The following ASH1L variants were observed in gnomAD, a reference collection of about 807,000 sequenced individuals.
ASH1L encodes the protein histone-lysine N-methyltransferase ASH1L.
A neutral mutation model predicts 269.0 loss-of-function variants in ASH1L; 23 were observed. That is an observed-to-expected ratio of 0.09 (90% CI 0.06 to 0.12). ASH1L has a LOEUF of 0.12. Among genes scored for constraint, ASH1L ranks in the 10% least tolerant of loss-of-function variants. The pLI is 1.00. For missense variants in ASH1L, 2,912 were observed against 3,567.8 expected (o/e 0.82, Z 4.68); for synonymous variants, 1,187 against 1,253.5 (o/e 0.95, Z 1.12).
In ASH1L at chr1:155,352,701, G is replaced by C; in HGVS notation, c.7366+5C>G. ...AAGAACGAATTTGAAGGTGGTTATA[G>C]TCACCTTTATAAGAGATGATACCAT... On this transcript the variant is annotated splice_donor_5th_base_variant and intron_variant, in intron 17 of 27. Coordinates refer to ENST00000392403, the MANE Select transcript of ASH1L (RefSeq NM_018489.3). 6.3e-7 allele frequency: 1 copy of C among 1,576,726 alleles called. No homozygotes were observed. The highest frequency in any genetic ancestry group is 1.2e-5 in the South Asian group (1 of 84,292).
rs142602825 is a variant in ASH1L, at chr1:155,534,812, A to G, written c.-99-13194T>C. Among the ~76,000 whole-genome samples, 200 of 152,340 alleles carry G rather than the reference A, an allele frequency of 1.3e-3. 2 individuals carry two copies. The highest frequency in any genetic ancestry group is 3.9e-3 in the African/African-American group (164 of 41,584). On this transcript the variant is annotated intron_variant, in intron 1 of 27. Transcript: ENST00000392403. ...TAGCCTGGAAGAACAATGAAGAACA[A>G]TTCTTTTTCTTTTTAGATAAGTAAA...
At chr1:155,507,482 T>C (rs1321053997) in intron 2 of ASH1L, among the ~76,000 whole-genome samples, 2 of 152,178 alleles carry the variant, frequency 1.3e-5, no homozygotes, top group Non-Finnish European at 2.9e-5. Flanking sequence ...TAACATCAAA[T>C]AAACTATCCA....
At chr1:155,554,251 A>T (rs1015465777) in intron 1 of ASH1L, among the ~76,000 whole-genome samples, 4 of 146,490 alleles carry the variant, frequency 2.7e-5, no homozygotes, top group Admixed American at 1.4e-4. Context: ...CACTTGGCGA[A>T]TTTTTTTTTT....
intron 7 of ASH1L, among the ~76,000 whole-genome samples, chr1:155,381,221 T>C (rs904332409): frequency 2.0e-5 from 3 of 152,232 alleles, no homozygotes; most frequent in African/African-American, 7.2e-5. Context: ...TAATATACTA[T>C]ACTTTTCATC....
intron 2 of ASH1L, among the ~76,000 whole-genome samples, chr1:155,501,038 TA>T (rs1033551001): frequency 3.3e-5 from 5 of 151,770 alleles, no homozygotes; most frequent in African/African-American, 1.2e-4. Context: ...GTTTAAAAAA[TA>T]AAAACAAAAC....
At chr1:155,396,622 T>C (rs762442445) in intron 6 of ASH1L, among the ~76,000 whole-genome samples, 1 of 151,872 alleles carries the variant, frequency 6.6e-6, no homozygotes, top group Non-Finnish European at 1.5e-5. Context: ...AAAGTTCCAG[T>C]GAATAAGACA....
At chr1:155,409,675 A>C (rs1205924868) in intron 6 of ASH1L, among the ~76,000 whole-genome samples, 4 of 152,202 alleles carry the variant, frequency 2.6e-5, no homozygotes, top group African/African-American at 9.7e-5. Flanking sequence ...TATGTTGCCC[A>C]GGCTGGTCTT....
chr1:155,404,056 CAAA>C (rs1265354613), intron 6 of ASH1L, among the ~76,000 whole-genome samples: 11 of 69,650 alleles, frequency 1.6e-4, no homozygotes, highest in Admixed American at 1.7e-4. Context: ...AACTCCGTCT[CAAA>C]AAAAAAAAAA....
Position 155,406,762 on chromosome 1 carries a change from A to G in ASH1L, c.6008+8982T>C, listed in dbSNP as rs557379346. The stretch of plus-strand genomic sequence containing the variant: ...CACAGTGTTTGAACAGTAACAATAT[A>G]TTATTACTGGCATAACAATAGTCAC... On this transcript the variant is annotated intron_variant, in intron 6 of 27. Coordinates refer to ENST00000392403, the MANE Select transcript of ASH1L (RefSeq NM_018489.3). Among the ~76,000 whole-genome samples the G allele has an allele frequency of 1.5e-3, 223 of 152,304 alleles. 3 individuals carry two copies. The highest frequency in any genetic ancestry group is 2.7e-3 in the Non-Finnish European group (182 of 68,030).
chr1:155,541,331 AAAT>A lies in ASH1L; in HGVS notation c.-99-19716_-99-19714del, dbSNP rs145775750. On this transcript the variant is annotated intron_variant, in intron 1 of 27. Transcript: ENST00000392403. ...ATATTAAAAATTGATATTTTTCTTT[AAAT>A]ATTATATAAATTTTTCAGTTTCTAT... is the stretch of plus-strand genomic sequence containing the variant. Among the ~76,000 whole-genome samples the A allele has an allele frequency of 5.7e-3, 865 of 152,132 alleles. 9 individuals carry two copies. The highest frequency in any genetic ancestry group is 0.02 in the African/African-American group (844 of 41,542).
At chr1:155,363,514 G>A (rs756008806) in intron 12 of ASH1L, among the ~76,000 whole-genome samples, 20 of 151,988 alleles carry the variant, frequency 1.3e-4, no homozygotes, top group Non-Finnish European at 2.6e-4. Flanking sequence ...AAAGTGCTGC[G>A]ATTACAGGCA....
chr1:155,353,826 C>T (rs755353914), intron 16 of ASH1L, among the ~76,000 whole-genome samples: 26 of 152,292 alleles, frequency 1.7e-4, no homozygotes, highest in African/African-American at 2.2e-4. Flanking sequence ...GATAATTACC[C>T]GTCCCCCACC....
rs1041102702 is a variant in ASH1L, at chr1:155,338,195, A to T, written c.8697T>A (p.Ser2899Arg). 2 of 1,613,394 alleles carry T rather than the reference A, an allele frequency of 1.2e-6. No individual in the cohort carries two copies. Among genetic ancestry groups the T allele is most frequent in the African/African-American group, 1.3e-5 (1 of 74,794 alleles). ...GGGTACAGGTTGACTGGGGTTCTTG[A>T]CTACTTTCCTCTGTTTTTTTTTCAC... ...SEGEKKTEES[S>R]QEPQSTCTPE... Residue 2899 changes from serine to arginine, a missense_variant, in exon 27 of 28, where the codon AGT becomes AGA. Ser to Arg is a moderately radical substitution (Grantham distance 110). Coordinates refer to ENST00000392403, the MANE Select transcript of ASH1L (RefSeq NM_018489.3).
At chr1:155,559,352 A>T (rs2148929624) in intron 1 of ASH1L, among the ~76,000 whole-genome samples, 1 of 152,172 alleles carries the variant, frequency 6.6e-6, no homozygotes, top group South Asian at 2.1e-4. Context: ...CCTGACCAAC[A>T]TGGAGAAACG....
chr1:155,550,102 T>C (rs1671097020), intron 1 of ASH1L, among the ~76,000 whole-genome samples: 1 of 151,182 alleles, frequency 6.6e-6, no homozygotes. Flanking sequence ...TTCACTGCAA[T>C]CTCCACCTCC....
intron 1 of ASH1L, among the ~76,000 whole-genome samples, chr1:155,530,718 A>G (rs1669616597): frequency 6.6e-6 from 1 of 151,344 alleles, no homozygotes; most frequent in African/African-American, 2.4e-5. Flanking sequence ...CCTGGGTGAC[A>G]GACCAAGACT....
chr1:155,387,092 G>A (rs926809213), intron 7 of ASH1L, among the ~76,000 whole-genome samples: 4 of 151,846 alleles, frequency 2.6e-5, no homozygotes, highest in African/African-American at 9.7e-5. Context: ...TCATGCCTCA[G>A]CCTCTCAAGT....
In ASH1L at chr1:155,343,785, G is replaced by T. The variant is rs1653004636; in HGVS notation, c.7982-43C>A. 1 of 1,604,762 alleles carries T rather than the reference G, an allele frequency of 6.2e-7. No homozygotes were observed. Among genetic ancestry groups the T allele is most frequent in the South Asian group, 1.1e-5 (1 of 90,056 alleles). On this transcript the variant is annotated intron_variant, in intron 22 of 27. Coordinates refer to ENST00000392403, the MANE Select transcript of ASH1L (RefSeq NM_018489.3). This position sits in a 1 kb window ranked among gnomAD's most constrained non-coding sequence, Gnocchi z 6.1. ...ACAGAAGAAACATAAAACAATTCTT[G>T]TATGAATTCTGTTAGGCATCTGTTT...
chr1:155,445,086 C>T (rs1662907340), intron 4 of ASH1L, among the ~76,000 whole-genome samples: 2 of 152,058 alleles, frequency 1.3e-5, no homozygotes, highest in African/African-American at 2.4e-5. Context: ...TGGTATGAAA[C>T]AGGGTCAGTG....
Sources: gnomAD v4.1 joint callset for allele counts (sites outside exome capture counted in the v4.1 genomes callset) on GRCh38, gnomAD v4.1.1 for gene constraint, Gnocchi (gnomAD v3.1) non-coding constraint, MANE v1.5 for transcripts, NCBI Gene and HGNC (gene_info 2026-07-23, HGNC 2026-07-21) for gene names.